The following GPR149 variants were observed in gnomAD, a reference collection of about 807,000 sequenced individuals.
The protein encoded by GPR149 is probable G protein-coupled receptor 149.
Under a neutral mutation model 50.2 loss-of-function variants are expected in GPR149, and 50 were observed. That is an observed-to-expected ratio of 1.00 (90% CI 0.79 to 1.26). The LOEUF is 1.26. GPR149 is among the 50% of genes most tolerant of loss of function. The pLI is 0.00. For missense variants in GPR149, 983 were observed against 895.4 expected (o/e 1.10, Z -1.25); for synonymous variants, 405 against 358.2 (o/e 1.13, Z -1.48).
Position 154,399,187 on chromosome 3 carries a change from T to A in GPR149, c.1623+21852A>T, listed in dbSNP as rs571128875. On this transcript the variant is annotated intron_variant, in intron 3 of 3. Transcript: ENST00000389740. ...CTGGAGGAGGTTGAGAACCACTGGC[T>A]GGATTTATGATATTTTCCTATAGTA... 4.6e-5 allele frequency among the ~76,000 whole-genome samples: 7 copies of A among 152,274 alleles called. No homozygotes were observed. The South Asian group carries it at 1.5e-3, about 32-fold the overall frequency.
At chr3:154,359,982 G>A (rs749223540) in intron 3 of GPR149, among the ~76,000 whole-genome samples, 1 of 149,554 alleles carries the variant, frequency 6.7e-6, no homozygotes, top group Non-Finnish European at 1.5e-5. Flanking sequence ...TTCACCAGGA[G>A]CAACCAAACA....
In GPR149 at chr3:154,425,128, G is replaced by A. The variant is rs1712258540; in HGVS notation, c.1174+2388C>T. Among the ~76,000 whole-genome samples, 3 of 152,020 alleles carry A rather than the reference G, an allele frequency of 2.0e-5. No individual in the cohort carries two copies. In the South Asian group the frequency reaches 6.2e-4, roughly 31 times the overall value. ...GTACAGATTCTTGTTGGAAACAGGA[G>A]AGGATTATTATTTCTGCAAATTATT... On this transcript the variant is annotated intron_variant, in intron 2 of 3. Transcript: ENST00000389740.
In GPR149 at chr3:154,430,046, C is replaced by G. The variant is rs543720336; in HGVS notation, c.-431G>C. The stretch of plus-strand genomic sequence containing the variant: ...ATCAAACTCTGTTCACTTTTAAGAG[C>G]AGTAAAATGATGCATTTGGTTCCAG... On this transcript the variant is annotated 5_prime_UTR_variant, in exon 1 of 4. Coordinates refer to ENST00000389740, the MANE Select transcript of GPR149 (RefSeq NM_001038705.3). Among the ~76,000 whole-genome samples, 17 of 151,850 alleles carry G rather than the reference C, an allele frequency of 1.1e-4. No individual in the cohort carries two copies. Among genetic ancestry groups the G allele is most frequent in the Non-Finnish European group, 2.5e-4 (17 of 67,964 alleles).
chr3:154,340,775 G>A (rs372010268), intron 3 of GPR149, among the ~76,000 whole-genome samples: 16 of 152,306 alleles, frequency 1.1e-4, no homozygotes, highest in East Asian at 9.7e-4. Context: ...AGGCTGGAGC[G>A]CAATGGCGCC....
At chr3:154,342,185 T>C (rs1713813654) in intron 3 of GPR149, among the ~76,000 whole-genome samples, 1 of 152,294 alleles carries the variant, frequency 6.6e-6, no homozygotes, top group East Asian at 1.9e-4. Flanking sequence ...GAAATGTCTG[T>C]ATAGAAATAT....
intron 3 of GPR149, among the ~76,000 whole-genome samples, chr3:154,409,717 A>G (rs922576880): frequency 2.6e-5 from 4 of 152,198 alleles, no homozygotes; most frequent in Admixed American, 6.5e-5. Flanking sequence ...AAAGCCTACA[A>G]GAAGTTTGGG....
rs751696649 is a variant in GPR149 at position 154,428,726 on chromosome 3, TAG to T, written c.888_889del (p.Tyr297TrpfsTer101). ...GCTCACGGTGAAGCTCCTGGTGCCA[TAG>T]AGAGTCCCCCGGTTCTCACGCCTGC... On this transcript the variant is annotated frameshift_variant, in exon 1 of 4. Transcript: ENST00000389740. LOFTEE classifies it high-confidence loss of function. 1 of 1,614,026 alleles carries T rather than the reference TAG, an allele frequency of 6.2e-7. No homozygotes were observed. Among genetic ancestry groups the T allele is most frequent in the Admixed American group, 1.7e-5 (1 of 60,010 alleles).
At chr3:154,363,943 T>G (rs1407382399) in intron 3 of GPR149, among the ~76,000 whole-genome samples, 1 of 152,170 alleles carries the variant, frequency 6.6e-6, no homozygotes, top group Non-Finnish European at 1.5e-5. Context: ...ACCTTATTCC[T>G]CTTGGTTGTG....
intron 3 of GPR149, among the ~76,000 whole-genome samples, chr3:154,380,166 CAGAGAGAG>C (rs57858107): frequency 0.042 from 5,637 of 133,536 alleles, 189 homozygotes; most frequent in African/African-American, 0.11. Context: ...GTGAGAGAGA[CAGAGAGAG>C]AGAGAGAGAG....
At chr3:154,360,206 G>A (rs1714346429) in intron 3 of GPR149, among the ~76,000 whole-genome samples, 1 of 152,178 alleles carries the variant, frequency 6.6e-6, no homozygotes, top group Admixed American at 6.5e-5. Context: ...GGGATCTGTG[G>A]TCAAAACCCA....
At chr3:154,355,389 G>A (rs1360347470) in intron 3 of GPR149, among the ~76,000 whole-genome samples, 1 of 152,156 alleles carries the variant, frequency 6.6e-6, no homozygotes, top group African/African-American at 2.4e-5. Context: ...TTAGCCCTGT[G>A]TGAATCCGTG....
intron 3 of GPR149, among the ~76,000 whole-genome samples, chr3:154,370,195 A>G (rs1217080950): frequency 3.9e-5 from 6 of 152,216 alleles, no homozygotes; most frequent in African/African-American, 1.4e-4. Context: ...ACTTATTTTA[A>G]AGGATAAATT....
chr3:154,386,973 C>CT (rs34303487), intron 3 of GPR149, among the ~76,000 whole-genome samples: 3 of 151,726 alleles, frequency 2.0e-5, no homozygotes, highest in African/African-American at 4.8e-5. Flanking sequence ...TATTTTTCTC[C>CT]TTTTTTTTTC....
chr3:154,363,974 C>A (rs1016111161), intron 3 of GPR149, among the ~76,000 whole-genome samples: 3 of 152,192 alleles, frequency 2.0e-5, no homozygotes, highest in East Asian at 3.9e-4. Flanking sequence ...CTGGAACTCA[C>A]TGAAATGCAG....
intron 3 of GPR149, among the ~76,000 whole-genome samples, chr3:154,365,097 T>G (rs1373150532): frequency 6.6e-6 from 1 of 152,198 alleles, no homozygotes; most frequent in Non-Finnish European, 1.5e-5. Context: ...AGTCATCCTT[T>G]GAAATCTAGG....
chr3:154,395,769 C>T (rs1320015347), intron 3 of GPR149, among the ~76,000 whole-genome samples: 1 of 152,158 alleles, frequency 6.6e-6, no homozygotes, highest in Non-Finnish European at 1.5e-5. Flanking sequence ...TACTCCTGTA[C>T]TCCAGCCTGG....
rs189928593 is a variant in GPR149 at position 154,377,552 on chromosome 3, A to G, written c.1624-39281T>C. ...TAGCTAATTTTTGTATTTGTAGTGG[A>G]GACGGTGTTTCACCATCTGGCCAGG... On this transcript the variant is annotated intron_variant, in intron 3 of 3. Transcript: ENST00000389740. Among the ~76,000 whole-genome samples, 353 of 151,912 alleles carry G rather than the reference A, an allele frequency of 2.3e-3. 5 individuals carry two copies. The Middle Eastern group carries it at 0.024, about 10-fold the overall frequency.
At position 154,364,791 on chromosome 3, in the gene GPR149, G is replaced by C. The variant is rs540801279; in HGVS notation, c.1624-26520C>G. Reference sequence around the variant, plus strand: ...CACCCCCATGGCTTTGCTGGATGCTGCTCATGCAGCAGTTCTCATGAGTTG... The same window carrying C: ...CACCCCCATGGCTTTGCTGGATGCTCCTCATGCAGCAGTTCTCATGAGTTG... On this transcript the variant is annotated intron_variant, in intron 3 of 3. Transcript: ENST00000389740. Among the ~76,000 whole-genome samples, 7 of 152,356 alleles carry C rather than the reference G, an allele frequency of 4.6e-5. 1 individual carries two copies. In the South Asian group the frequency reaches 1.4e-3, roughly 32 times the overall value.
rs193161667 is a variant in GPR149, at chr3:154,412,566, C to T, written c.1623+8473G>A. Among the ~76,000 whole-genome samples the T allele has an allele frequency of 2.8e-3, 422 of 152,110 alleles. 2 individuals carry two copies. Among genetic ancestry groups the T allele is most frequent in the Middle Eastern group, 0.01 (3 of 292 alleles). ...CTGAGAATCAAACCTAGAACTCAAC[C>T]CCTTTCACAACAGCTGCAAAGACAA... On this transcript the variant is annotated intron_variant, in intron 3 of 3. Transcript: ENST00000389740.
Sources: allele counts gnomAD v4.1 joint callset (sites outside exome capture counted in the v4.1 genomes callset), GRCh38; gene constraint gnomAD v4.1.1; transcripts MANE v1.5; gene names NCBI Gene and HGNC (gene_info 2026-07-23, HGNC 2026-07-21).